NR3C2: variants seen among roughly 807,000 people sequenced by gnomAD.
NR3C2 encodes the protein mineralocorticoid receptor.
In NR3C2, 15 loss-of-function variants were observed where a neutral mutation model predicts 86.4. The observed-to-expected ratio is 0.17, with a 90% confidence interval of 0.12 to 0.27. The LOEUF is 0.27. Ranked by LOEUF, NR3C2 falls within the 10% of genes least tolerant of loss-of-function variation. The pLI is 1.00. For missense variants in NR3C2, 960 were observed against 1,195.6 expected (o/e 0.80, Z 2.91); for synonymous variants, 458 against 450.5 (o/e 1.02, Z -0.21).
At chr4:148,409,992 G>GT (rs1321321811) in intron 2 of NR3C2, among the ~76,000 whole-genome samples, 4 of 152,038 alleles carry the variant, frequency 2.6e-5, no homozygotes, top group East Asian at 3.9e-4. Flanking sequence ...TTTAAACTGT[G>GT]TTTTTTTAAA....
At chr4:148,444,364 G>C, upstream of NR3C2, 1 of 985,324 alleles carries the variant, frequency 1.0e-6, no homozygotes, top group Non-Finnish European at 1.2e-6. Context: ...CCTTGCCCCA[G>C]GGCCGCCAGC....
chr4:148,229,058 C>A (rs1738328176), intron 3 of NR3C2, among the ~76,000 whole-genome samples: 1 of 152,166 alleles, frequency 6.6e-6, no homozygotes, highest in South Asian at 2.1e-4. Flanking sequence ...AGCAAAGACA[C>A]AAGGTCTAGG....
At chr4:148,136,086 A>AC (rs1560940043) in intron 6 of NR3C2, among the ~76,000 whole-genome samples, 27 of 136,886 alleles carry the variant, frequency 2.0e-4, no homozygotes, top group Non-Finnish European at 3.8e-4. Context: ...ACAAAAAAAA[A>AC]AAACACCACC....
chr4:148,181,335 A>G (rs1028362411), intron 4 of NR3C2, among the ~76,000 whole-genome samples: 9 of 152,136 alleles, frequency 5.9e-5, no homozygotes, highest in Admixed American at 3.3e-4. Flanking sequence ...ACTAATTAGG[A>G]TCCTTACACT....
intron 3 of NR3C2, among the ~76,000 whole-genome samples, chr4:148,216,342 A>C (rs958449691): frequency 6.6e-6 from 1 of 152,160 alleles, no homozygotes; most frequent in African/African-American, 2.4e-5. Context: ...TGCCGAAGTC[A>C]AAAGTGTGCT....
Position 148,154,823 on chromosome 4 carries a change from G to A in NR3C2, c.2093C>T (p.Pro698Leu), listed in dbSNP as rs1459482695. 2.5e-6 allele frequency: 4 copies of A among 1,575,110 alleles called. No homozygotes were observed. The highest frequency in any genetic ancestry group is 3.4e-6 in the Non-Finnish European group (4 of 1,159,492). ...TTCCTCTGGGCTTTGCGGGGGTGGG[G>A]GTGGGGGTGGGGGCTGCTGCTGCTG... ...QPQQQQPPPP[P>L]PPPQSPEEGT... is the part of the protein sequence containing the mutation. The change falls in exon 5 of 9, where the codon CCC (proline) becomes CTC (leucine). Residue 698 changes from proline to leucine, a missense_variant. By Grantham distance (98) the Pro-to-Leu change is moderately conservative. Transcript: ENST00000358102.
At chr4:148,399,550 A>G (rs931437344) in intron 2 of NR3C2, among the ~76,000 whole-genome samples, 1 of 152,128 alleles carries the variant, frequency 6.6e-6, no homozygotes, top group Non-Finnish European at 1.5e-5. Flanking sequence ...TGAAATACTA[A>G]GAGAAAATAA....
intron 6 of NR3C2, among the ~76,000 whole-genome samples, chr4:148,133,940 T>C (rs985124297): frequency 1.3e-5 from 2 of 152,240 alleles, no homozygotes; most frequent in African/African-American, 4.8e-5. Context: ...TCTATCTTCT[T>C]ACTTTGGAAG....
intron 2 of NR3C2, among the ~76,000 whole-genome samples, chr4:148,318,149 G>T (rs1743323175): frequency 2.0e-5 from 3 of 151,428 alleles, no homozygotes; most frequent in Admixed American, 2.0e-4. Context: ...TCTTGCCATA[G>T]TTTACTCAGA....
rs1487491665 is a variant in NR3C2 at position 148,078,803 on chromosome 4, C to G, written c.*2541G>C. 6.6e-6 allele frequency: 1 copy of G among 152,560 alleles called. No homozygotes were observed. Among genetic ancestry groups the G allele is most frequent in the Non-Finnish European group, 1.5e-5 (1 of 68,028 alleles). 9.5% of individuals were successfully genotyped at this position (152,560 alleles called of 1,614,324 possible). On this transcript the variant is annotated 3_prime_UTR_variant, in exon 9 of 9. Transcript: ENST00000358102. ...GATTTATTGTAATCTGCTTACAGTC[C>G]TTTGCAAAGACAGACATATGTTTTT...
chr4:148,186,992 G>A (rs200280009), intron 4 of NR3C2, among the ~76,000 whole-genome samples: 366 of 10,296 alleles, frequency 0.036, 43 homozygotes, highest in African/African-American at 0.061. Flanking sequence ...ATGTGTGTAT[G>A]TATGTATATA....
chr4:148,118,888 A>G (rs1319197760), intron 7 of NR3C2, among the ~76,000 whole-genome samples: 1 of 152,112 alleles, frequency 6.6e-6, no homozygotes, highest in Non-Finnish European at 1.5e-5. Context: ...TCATACTACC[A>G]GTCATGGTAA....
intron 6 of NR3C2, among the ~76,000 whole-genome samples, chr4:148,130,394 G>T (rs989719060): frequency 1.3e-5 from 2 of 152,154 alleles, no homozygotes; most frequent in Non-Finnish European, 2.9e-5. Flanking sequence ...TAGTAATACT[G>T]CACTGAACTG....
intron 4 of NR3C2, among the ~76,000 whole-genome samples, chr4:148,181,358 T>C (rs1735635547): frequency 6.6e-6 from 1 of 152,172 alleles, no homozygotes; most frequent in African/African-American, 2.4e-5. Context: ...ATTTTTCAAG[T>C]ATCTAATGAT....
At chr4:148,318,297 C>G (rs1403601479) in intron 2 of NR3C2, among the ~76,000 whole-genome samples, 1 of 151,648 alleles carries the variant, frequency 6.6e-6, no homozygotes, top group Non-Finnish European at 1.5e-5. Flanking sequence ...TGGGTTCGTT[C>G]CAAGTCTTTG....
chr4:148,241,014 A>G (rs977950511), intron 3 of NR3C2, among the ~76,000 whole-genome samples: 1 of 152,108 alleles, frequency 6.6e-6, no homozygotes, highest in African/African-American at 2.4e-5. Context: ...TTTAGAAAAA[A>G]ATAAAATCCA....
intron 2 of NR3C2, among the ~76,000 whole-genome samples, chr4:148,411,928 T>C (rs990165451): frequency 6.6e-6 from 1 of 152,230 alleles, no homozygotes. Flanking sequence ...AATCCACTTA[T>C]AAAACTTAAC....
chr4:148,418,318 CCA>C (rs970938545), intron 2 of NR3C2, among the ~76,000 whole-genome samples: 4 of 152,094 alleles, frequency 2.6e-5, no homozygotes, highest in African/African-American at 9.6e-5. Flanking sequence ...GCTTTACTGC[CCA>C]CACACACATA....
intron 2 of NR3C2, among the ~76,000 whole-genome samples, chr4:148,370,067 C>T (rs61762849): frequency 7.9e-5 from 12 of 152,248 alleles, no homozygotes; most frequent in African/African-American, 1.9e-4. Flanking sequence ...GTTTTTCTAG[C>T]GGTGGTGATG....
Sources: gnomAD v4.1 joint callset for allele counts (sites outside exome capture counted in the v4.1 genomes callset) on GRCh38, gnomAD v4.1.1 for gene constraint, MANE v1.5 for transcripts, NCBI Gene and HGNC (gene_info 2026-07-23, HGNC 2026-07-21) for gene names.